ATN1: variants seen among roughly 807,000 people sequenced by gnomAD.
The protein encoded by ATN1 is atrophin 1.
In ATN1, 19 loss-of-function variants were observed where a neutral mutation model predicts 85.8. That is an observed-to-expected ratio of 0.22 (90% CI 0.15 to 0.32). The LOEUF (loss-of-function observed/expected upper bound fraction) is 0.32, where lower values mean the gene tolerates loss of function less well. Ranked by LOEUF, ATN1 falls within the 10% of genes least tolerant of loss-of-function variation. ATN1 has a pLI of 1.00. For synonymous variants in ATN1, 674 were observed against 657.0 expected, an observed-to-expected ratio of 1.03 and a Z score of -0.39; for missense variants, 1,453 against 1,564.5, an observed-to-expected ratio of 0.93 and a Z score of 1.20.
chr12:6,938,209 C>T, intron 6 of ATN1, 142 bp downstream of exon 6: 1 of 1,421,584 alleles, frequency 7.0e-7, no homozygotes, highest in Non-Finnish European at 9.2e-7. Context: ...GGGGAGGTAC[C>T]ACTGCAGCCC....
upstream of ATN1, among the ~76,000 whole-genome samples, chr12:6,925,505 A>G (rs1168684391): frequency 6.6e-6 from 1 of 152,040 alleles, no homozygotes; most frequent in Admixed American, 6.6e-5. Context: ...GAGCAAGAGG[A>G]AGGGAGTCGG....
At position 6,941,990 on chromosome 12, in the gene ATN1, T is replaced by TG; in HGVS notation, c.*214dup. ...TGCAGAGGTGGGGAGGTGGCGAGGATGGGGACAGAAAGCGCACAGAATCTT... is the reference window on the plus strand; with the variant it reads ...TGCAGAGGTGGGGAGGTGGCGAGGATGGGGGACAGAAAGCGCACAGAATCTT... On this transcript the variant is annotated 3_prime_UTR_variant, in exon 10 of 10. Coordinates refer to ENST00000396684, the MANE Select transcript of ATN1 (RefSeq NM_001940.4). The surrounding 1 kb of genome is among the most constrained non-coding windows in gnomAD (Gnocchi z 5.9). 3.4e-6 allele frequency: 2 copies of TG among 594,760 alleles called. No individual in the cohort carries two copies. Among genetic ancestry groups the TG allele is most frequent in the Non-Finnish European group, 6.0e-6 (2 of 332,778 alleles). 36.8% of individuals were successfully genotyped at this position (594,760 alleles called of 1,614,324 possible). A position where few individuals can be genotyped will look rare whatever the true frequency, so the allele number is the denominator to read the frequency against.
upstream of ATN1, among the ~76,000 whole-genome samples, chr12:6,925,294 G>A (rs1555142494): frequency 6.6e-6 from 1 of 152,082 alleles, no homozygotes. Context: ...AGTATCCATT[G>A]TAGCCCATTC....
rs1945500058 is a variant in ATN1, at chr12:6,934,124, G to C, written c.28-52G>C. ...AAGAACAAATAATGTGCACCATAAA[G>C]TTAGGTGCAATGTAAAGAACAGTGT... On this transcript the variant is annotated intron_variant, in intron 2 of 9. Coordinates refer to ENST00000396684, the MANE Select transcript of ATN1 (RefSeq NM_001940.4). This position sits in a 1 kb window ranked among gnomAD's most constrained non-coding sequence, Gnocchi z 4.5. 1.2e-6 allele frequency: 2 copies of C among 1,613,420 alleles called. No individual in the cohort carries two copies. Among genetic ancestry groups the C allele is most frequent in the African/African-American group, 2.7e-5 (2 of 75,010 alleles).
chr12:6,925,450 G>A (rs977870528), upstream of ATN1, among the ~76,000 whole-genome samples: 3 of 152,070 alleles, frequency 2.0e-5, no homozygotes, highest in Non-Finnish European at 2.9e-5. Context: ...GAAAGGGGGA[G>A]CCCTGGAACA....
At position 6,941,335 on chromosome 12, in the gene ATN1, A is replaced by T. The variant is rs782589826; in HGVS notation, c.3359-39A>T. On this transcript the variant is annotated intron_variant, in intron 8 of 9. Transcript: ENST00000396684. The surrounding 1 kb of genome is among the most constrained non-coding windows in gnomAD (Gnocchi z 5.9). ...CCCTGGTCCAGAGCAGGTACTTGTT[A>T]TCCGTTGGTCATATGCCCCTTGCCC... 4.5e-6 allele frequency: 7 copies of T among 1,551,548 alleles called. No individual in the cohort carries two copies. In the South Asian group the frequency reaches 8.5e-5, roughly 19 times the overall value.
Position 6,937,994 on chromosome 12 carries a change from A to T in ATN1, c.2444A>T (p.Lys815Met), listed in dbSNP as rs1325227528. The T allele has an allele frequency of 2.6e-6, 4 of 1,546,026 alleles. No homozygotes were observed. The South Asian group carries it at 4.8e-5, about 18-fold the overall frequency. ...GCCGAGCAGCGCGCGCGCGAAGAAA[A>T]GGAGCGCGAGCGCGAGCGGGAACGC... ...REAEQRAREE[K>M]EREREREREK... The change falls in exon 6 of 10, where the codon AAG becomes ATG. Residue 815 changes from lysine to methionine, a missense_variant. Lys to Met is a moderately conservative substitution (Grantham distance 95). Around this residue, in one of 6 missense-constraint regions of ATN1, gnomAD observed 990 missense variants for 914.8 expected, o/e 1.08. Transcript: ENST00000396684. This position sits in a 1 kb window ranked among gnomAD's most constrained non-coding sequence, Gnocchi z 6.0.
intron 6 of ATN1, 147 bp from the exon 7 acceptor site, chr12:6,938,334 G>A: frequency 7.6e-7 from 1 of 1,307,898 alleles, no homozygotes; most frequent in Non-Finnish European, 1.0e-6. Flanking sequence ...ATTCGGGAGC[G>A]GGGGCCGCAG....
At chr12:6,929,940 C>T in intron 1 of ATN1, among the ~76,000 whole-genome samples, 1 of 152,224 alleles carries the variant, frequency 6.6e-6, no homozygotes, top group Admixed American at 6.5e-5. Flanking sequence ...CTCTTTCCCT[C>T]AACTAACCTT....
At position 6,934,629 on chromosome 12, in the gene ATN1, C is replaced by A. The variant is rs1453755076; in HGVS notation, c.279+51C>A. ...ACCCATCTTGTGACCATTCTTTTCT[C>A]AGACTTGCTTATGCTCACTATTCTT... On this transcript the variant is annotated intron_variant, in intron 4 of 9. Transcript: ENST00000396684. The surrounding 1 kb of genome is among the most constrained non-coding windows in gnomAD (Gnocchi z 4.5). 1.0e-5 allele frequency: 14 copies of A among 1,353,198 alleles called. No individual in the cohort carries two copies. Among genetic ancestry groups the A allele is most frequent in the Non-Finnish European group, 1.3e-5 (13 of 967,032 alleles). The allele number at this position is 1,353,198 out of a possible 1,614,324, so 83.8% of individuals were successfully genotyped here. A position where few individuals can be genotyped will look rare whatever the true frequency, so the allele number is the denominator to read the frequency against.
upstream of ATN1, among the ~76,000 whole-genome samples, chr12:6,925,860 G>A (rs1945394208): frequency 6.6e-6 from 1 of 152,206 alleles, no homozygotes; most frequent in Non-Finnish European, 1.5e-5. Flanking sequence ...GGCCCCACAA[G>A]TACCCGACCC....
Position 6,937,941 on chromosome 12 carries a change from C to A in ATN1, c.2391C>A (p.Ala797=). The change falls in exon 6 of 10, where the codon GCC becomes GCA. Residue 797 remains alanine, a synonymous_variant. Transcript: ENST00000396684. This position sits in a 1 kb window ranked among gnomAD's most constrained non-coding sequence, Gnocchi z 6.0. ...LEGSKLAKKR[A]DLVEKVRREA... The stretch of plus-strand genomic sequence containing the variant: ...GCTCCAAGCTGGCCAAGAAGCGGGC[C>A]GACCTGGTGGAGAAGGTGCGGCGCG... 1 of 1,586,498 alleles carries A rather than the reference C, an allele frequency of 6.3e-7. No homozygotes were observed. Among genetic ancestry groups the A allele is most frequent in the Admixed American group, 1.8e-5 (1 of 56,208 alleles).
chr12:6,934,978 C>T lies in ATN1; in HGVS notation c.279+400C>T, dbSNP rs150452641. Among the ~76,000 whole-genome samples, 480 of 152,302 alleles carry T rather than the reference C, an allele frequency of 3.2e-3. 2 individuals are homozygous for T. Among genetic ancestry groups the T allele is most frequent in the African/African-American group, 0.011 (464 of 41,558 alleles). ...CAATCTCAGCTCATTGCAACCTCCG[C>T]CTCCTGGGTTCAAACAATTGTGCCT... is the stretch of plus-strand genomic sequence containing the variant. On this transcript the variant is annotated intron_variant, in intron 4 of 9. Transcript: ENST00000396684. The surrounding 1 kb of genome is among the most constrained non-coding windows in gnomAD (Gnocchi z 4.5).
chr12:6,940,341 C>CT (rs1555144483), intron 7 of ATN1, among the ~76,000 whole-genome samples: 2 of 152,156 alleles, frequency 1.3e-5, no homozygotes. Flanking sequence ...TCTCGGCTCA[C>CT]TGCAGCTTCC....
At chr12:6,939,783 C>T (rs1357448928) in intron 7 of ATN1, among the ~76,000 whole-genome samples, 5 of 152,314 alleles carry the variant, frequency 3.3e-5, no homozygotes, top group African/African-American at 9.6e-5. Flanking sequence ...AGATTACAGG[C>T]GTGAGCCACC....
chr12:6,935,387 AGAAAT>A lies in ATN1; in HGVS notation c.280-159_280-155del, dbSNP rs1945517987. ...AGCAGCCAAGAATGTGAGGAAAGTG[AGAAAT>A]CCCCAGATGGTAAGAGGTGGGCTTG... On this transcript the variant is annotated intron_variant, in intron 4 of 9. Transcript: ENST00000396684. This position sits in a 1 kb window ranked among gnomAD's most constrained non-coding sequence, Gnocchi z 5.3. 6.6e-6 allele frequency among the ~76,000 whole-genome samples: 1 copy of A among 152,178 alleles called. No homozygotes were observed. Among genetic ancestry groups the A allele is most frequent in the Non-Finnish European group, 1.5e-5 (1 of 68,030 alleles).
upstream of ATN1, among the ~76,000 whole-genome samples, chr12:6,927,452 C>CTCCT (rs1257248269): frequency 1.3e-5 from 2 of 151,946 alleles, no homozygotes; most frequent in Non-Finnish European, 2.9e-5. Context: ...TCCCACTTCA[C>CTCCT]CTCTGCCACA....
chr12:6,941,772 C>A lies in ATN1; in HGVS notation c.3565C>A (p.Pro1189Thr). Residue 1189 changes from proline (P) to threonine (T), a missense_variant, in exon 10 of 10, where the codon CCA (proline) becomes ACA (threonine). Pro to Thr is a conservative substitution (Grantham distance 38). Around this residue, in one of 6 missense-constraint regions of ATN1, gnomAD observed 118 missense variants for 163.7 expected, o/e 0.72. Transcript: ENST00000396684. The surrounding 1 kb of genome is among the most constrained non-coding windows in gnomAD (Gnocchi z 5.9). ...YSHLKKESDK[P>T]L The stretch of plus-strand genomic sequence containing the variant: ...TCACCTGAAGAAGGAAAGCGACAAG[C>A]CACTGTAGAACCTGCGATCAAGAGA... The A allele has an allele frequency of 6.2e-7, 1 of 1,614,086 alleles. No homozygotes were observed.
chr12:6,933,713 G>A, intron 1 of ATN1, 127 bp from the exon 2 acceptor site: 1 of 525,478 alleles, frequency 1.9e-6, no homozygotes, highest in Non-Finnish European at 3.4e-6. Flanking sequence ...AATGTCTTGT[G>A]GTATCTGTAC....
Sources: allele counts gnomAD v4.1 joint callset (sites outside exome capture counted in the v4.1 genomes callset), GRCh38; gene constraint gnomAD v4.1.1; regional missense constraint gnomAD v4.1.1; non-coding constraint Gnocchi (gnomAD v3.1); transcripts MANE v1.5; gene names NCBI Gene and HGNC (gene_info 2026-07-23, HGNC 2026-07-21).